The following STPG2 variants were observed in gnomAD, a reference collection of about 807,000 sequenced individuals.
The protein encoded by STPG2 is sperm-tail PG-rich repeat-containing protein 2.
In STPG2, 56 loss-of-function variants were observed where a neutral mutation model predicts 54.2. That is an observed-to-expected ratio of 1.03 (90% CI 0.83 to 1.29). STPG2 has a LOEUF of 1.29. Among genes scored for constraint, STPG2 ranks in the 50% most tolerant of loss-of-function variants. STPG2 has a pLI of 0.00. For synonymous variants in STPG2, 200 were observed against 181.8 expected (o/e 1.10, Z -0.81); for missense variants, 596 against 544.9 (o/e 1.09, Z -0.93).
At chr4:97,713,637 G>A in intron 9 of STPG2, among the ~76,000 whole-genome samples, 1 of 152,292 alleles carries the variant, frequency 6.6e-6, no homozygotes, top group African/African-American at 2.4e-5. Flanking sequence ...GAGCTCCTAT[G>A]AGAATCTAAT....
intron 10 of STPG2, among the ~76,000 whole-genome samples, chr4:97,596,377 G>T (rs2148902359): frequency 6.6e-6 from 1 of 152,038 alleles, no homozygotes; most frequent in South Asian, 2.1e-4. Flanking sequence ...AATATACAAA[G>T]ACATTTGGAA....
chr4:97,689,736 A>C, intron 10 of STPG2, among the ~76,000 whole-genome samples: 1 of 152,156 alleles, frequency 6.6e-6, no homozygotes, highest in East Asian at 1.9e-4. Context: ...TTTAGTTTTT[A>C]ATCATTTAAT....
In STPG2 at chr4:97,934,088, T is replaced by C. The variant is rs533238310; in HGVS notation, c.1044+9809A>G. Among the ~76,000 whole-genome samples the C allele has an allele frequency of 2.6e-5, 4 of 152,224 alleles. No homozygotes were observed. The South Asian group carries it at 8.3e-4, about 32-fold the overall frequency. The stretch of plus-strand genomic sequence containing the variant: ...TAAAGAGGTCCTTCACATTCCCTGT[T>C]AGCTGTATTCCCAGGTATTTTATTC... On this transcript the variant is annotated intron_variant, in intron 8 of 10. Coordinates refer to ENST00000295268, the MANE Select transcript of STPG2 (RefSeq NM_174952.3).
chr4:97,881,857 T>A (rs1229154697), intron 8 of STPG2, among the ~76,000 whole-genome samples: 1 of 152,198 alleles, frequency 6.6e-6, no homozygotes, highest in Non-Finnish European at 1.5e-5. Context: ...TCAGACTTAA[T>A]GTTTTTAATT....
chr4:97,757,026 A>G (rs1725751378), intron 9 of STPG2, among the ~76,000 whole-genome samples: 1 of 152,300 alleles, frequency 6.6e-6, no homozygotes, highest in Non-Finnish European at 1.5e-5. Context: ...GAGGCACTGT[A>G]AGAAGGCACT....
intron 3 of STPG2, among the ~76,000 whole-genome samples, 197 bp from the exon 4 acceptor site, chr4:98,109,502 C>T (rs1176432092): frequency 2.0e-5 from 3 of 152,136 alleles, no homozygotes; most frequent in Non-Finnish European, 2.9e-5. Flanking sequence ...ACTCCTGAGT[C>T]AGCTAGGGTT....
At chr4:97,716,296 C>T (rs1411252672) in intron 9 of STPG2, among the ~76,000 whole-genome samples, 3 of 152,072 alleles carry the variant, frequency 2.0e-5, no homozygotes, top group African/African-American at 4.8e-5. Flanking sequence ...GTGGCAATTC[C>T]TCAAGGATCT....
chr4:98,035,956 G>T (rs935920714), intron 5 of STPG2, among the ~76,000 whole-genome samples: 8 of 152,016 alleles, frequency 5.3e-5, no homozygotes, highest in African/African-American at 1.9e-4. Context: ...AGGGGTGGGG[G>T]CTAGGGGAGG....
intron 5 of STPG2, among the ~76,000 whole-genome samples, chr4:98,055,225 AC>A (rs1370553008): frequency 6.6e-6 from 1 of 152,142 alleles, no homozygotes; most frequent in Non-Finnish European, 1.5e-5. Context: ...TTCAAAACTC[AC>A]TAAGAATTTC....
chr4:97,939,502 A>G (rs1005355166), intron 8 of STPG2, among the ~76,000 whole-genome samples: 1 of 152,208 alleles, frequency 6.6e-6, no homozygotes, highest in Non-Finnish European at 1.5e-5. Context: ...GTGCATATAT[A>G]TTTAGAATAG....
chr4:98,108,178 G>A (rs1739240347), intron 4 of STPG2, among the ~76,000 whole-genome samples: 1 of 152,048 alleles, frequency 6.6e-6, no homozygotes, highest in Non-Finnish European at 1.5e-5. Context: ...ACAGTAGCAG[G>A]GGAGTCCAAG....
chr4:97,895,158 A>G (rs1045667968), intron 8 of STPG2, among the ~76,000 whole-genome samples: 5 of 151,866 alleles, frequency 3.3e-5, no homozygotes, highest in African/African-American at 1.2e-4. Context: ...TAGTGATGAC[A>G]CGGTAATAAT....
intron 10 of STPG2, among the ~76,000 whole-genome samples, chr4:97,606,840 C>G (rs1733607810): frequency 1.3e-5 from 2 of 151,746 alleles, no homozygotes; most frequent in Non-Finnish European, 2.9e-5. Flanking sequence ...TCTATAAATA[C>G]AATTTACAAA....
intron 5 of STPG2, among the ~76,000 whole-genome samples, chr4:97,997,608 C>T (rs1735284226): frequency 6.6e-6 from 1 of 152,056 alleles, no homozygotes; most frequent in Non-Finnish European, 1.5e-5. Flanking sequence ...GGTGATAATG[C>T]ATATCGAAAC....
intron 9 of STPG2, among the ~76,000 whole-genome samples, chr4:97,829,910 A>G (rs921522102): frequency 6.6e-6 from 1 of 152,202 alleles, no homozygotes; most frequent in African/African-American, 2.4e-5. Context: ...GGTGTACCTG[A>G]AAGTGATGGG....
At chr4:97,479,040 A>C (rs1730151563) in intron 4 of STPG2, among the ~76,000 whole-genome samples, 4 of 151,972 alleles carry the variant, frequency 2.6e-5, no homozygotes, top group Admixed American at 2.6e-4. Context: ...ACACTCAAAC[A>C]AATATTAGAT....
intron 8 of STPG2, among the ~76,000 whole-genome samples, chr4:97,897,914 A>T (rs891399510): frequency 6.6e-6 from 1 of 151,424 alleles, no homozygotes; most frequent in Non-Finnish European, 1.5e-5. Flanking sequence ...GTATAATTAG[A>T]TCCCTCTTGT....
chr4:97,698,519 C>T (rs1367195971), intron 10 of STPG2, among the ~76,000 whole-genome samples: 3 of 152,106 alleles, frequency 2.0e-5, no homozygotes, highest in Non-Finnish European at 4.4e-5. Flanking sequence ...GGCAGCATTC[C>T]TCCCTCTGGA....
At chr4:97,935,101 G>A (rs1053041440) in intron 8 of STPG2, among the ~76,000 whole-genome samples, 6 of 152,082 alleles carry the variant, frequency 3.9e-5, no homozygotes, top group Admixed American at 2.0e-4. Context: ...TATGTGTCCA[G>A]GAATTCATCC....
Sources: allele counts gnomAD v4.1 joint callset (sites outside exome capture counted in the v4.1 genomes callset), GRCh38; gene constraint gnomAD v4.1.1; transcripts MANE v1.5; gene names NCBI Gene and HGNC (gene_info 2026-07-23, HGNC 2026-07-21).